The following CHST8 variants were observed in gnomAD, a reference collection of about 807,000 sequenced individuals.
CHST8 encodes the protein GALNAC-4-ST1.
Under a neutral mutation model 15.0 loss-of-function variants are expected in CHST8, and 10 were observed. That is an observed-to-expected ratio of 0.67 (90% CI 0.41 to 1.13). CHST8 has a LOEUF of 1.13. Ranked by LOEUF, CHST8 falls within the 50% of genes most tolerant of loss-of-function variation. The pLI is 0.00. For missense variants in CHST8, 634 were observed against 608.2 expected (o/e 1.04, Z -0.45); for synonymous variants, 259 against 256.6 (o/e 1.01, Z -0.09).
chr19:33,664,120 G>A (rs12459433), intron 1 of CHST8, among the ~76,000 whole-genome samples: 35,528 of 151,936 alleles, frequency 0.23, 4,400 homozygotes, highest in Admixed American at 0.36. Flanking sequence ...GACTGGATTG[G>A]GGCGACTTTC....
intron 1 of CHST8, among the ~76,000 whole-genome samples, chr19:33,631,106 G>T (rs972894275): frequency 1.2e-4 from 18 of 152,196 alleles, no homozygotes; most frequent in African/African-American, 4.1e-4. Flanking sequence ...GCAAAAAGCC[G>T]GCGCTGTCTA....
intron 2 of CHST8, among the ~76,000 whole-genome samples, chr19:33,688,444 A>T (rs1156378162): frequency 6.6e-6 from 1 of 152,136 alleles, no homozygotes; most frequent in African/African-American, 2.4e-5. Context: ...CTGAGCTTGG[A>T]GTCTGTTGGA....
At chr19:33,749,916 T>G (rs1974382279) in intron 3 of CHST8, among the ~76,000 whole-genome samples, 1 of 152,196 alleles carries the variant, frequency 6.6e-6, no homozygotes, top group Admixed American at 6.5e-5. Context: ...CAGCAGCCAT[T>G]GGCAGGTGCG....
intron 3 of CHST8, among the ~76,000 whole-genome samples, chr19:33,744,831 C>T (rs1054470453): frequency 6.6e-5 from 10 of 152,194 alleles, no homozygotes; most frequent in African/African-American, 2.4e-4. Context: ...CCACTGCAAC[C>T]TCCACCTCCC....
rs559065580 is a variant in CHST8, at chr19:33,644,563, C to T, written c.-164+22267C>T. 5.3e-4 allele frequency among the ~76,000 whole-genome samples: 81 copies of T among 151,876 alleles called. 1 individual carries two copies. Among genetic ancestry groups the T allele is most frequent in the African/African-American group, 1.9e-3 (77 of 41,402 alleles). The stretch of plus-strand genomic sequence containing the variant: ...AAGCCTGGGCAACATAGCAAGACTC[C>T]GTCTCTAAAAAAAAAAATTTTTTTT... On this transcript the variant is annotated intron_variant, in intron 1 of 4. Transcript: ENST00000650847.
chr19:33,715,658 C>A (rs1415858314), intron 3 of CHST8, among the ~76,000 whole-genome samples: 2 of 152,238 alleles, frequency 1.3e-5, no homozygotes, highest in Non-Finnish European at 2.9e-5. Context: ...AGAGCTCAGG[C>A]TGACCTTCAC....
At chr19:33,691,199 G>A (rs1391853855) in intron 3 of CHST8, among the ~76,000 whole-genome samples, 1 of 152,222 alleles carries the variant, frequency 6.6e-6, no homozygotes, top group African/African-American at 2.4e-5. Flanking sequence ...AGGTGGGCTG[G>A]GGACCCAGGG....
At chr19:33,698,361 C>T (rs1485898325) in intron 3 of CHST8, among the ~76,000 whole-genome samples, 4 of 146,790 alleles carry the variant, frequency 2.7e-5, no homozygotes, top group Non-Finnish European at 6.0e-5. Flanking sequence ...TCAGCCTGGG[C>T]GACAAAGCGA....
chr19:33,622,876 A>C (rs1972003473), intron 1 of CHST8, among the ~76,000 whole-genome samples: 1 of 151,790 alleles, frequency 6.6e-6, no homozygotes, highest in South Asian at 2.1e-4. Context: ...TGCGTCAGCG[A>C]TGGTGTGAAG....
At chr19:33,662,418 T>A (rs1177017988) in intron 1 of CHST8, among the ~76,000 whole-genome samples, 1 of 152,178 alleles carries the variant, frequency 6.6e-6, no homozygotes, top group Non-Finnish European at 1.5e-5. Flanking sequence ...CCCAGCTACA[T>A]CCTTGCCTGG....
At chr19:33,766,409 C>A in intron 3 of CHST8, among the ~76,000 whole-genome samples, 1 of 152,358 alleles carries the variant, frequency 6.6e-6, no homozygotes, top group East Asian at 1.9e-4. Context: ...ACCTTCTCTC[C>A]TGCCAGCACC....
chr19:33,636,519 G>A (rs7248443), intron 1 of CHST8, among the ~76,000 whole-genome samples: 14,735 of 152,114 alleles, frequency 0.097, 1,289 homozygotes, highest in African/African-American at 0.24. Context: ...CAGGAAAGGG[G>A]TCCCGATCCA....
intron 1 of CHST8, among the ~76,000 whole-genome samples, chr19:33,636,304 A>G (rs1473066937): frequency 6.6e-6 from 1 of 152,182 alleles, no homozygotes; most frequent in Non-Finnish European, 1.5e-5. Flanking sequence ...CATGCTTGAC[A>G]AGTATTCTGC....
At chr19:33,739,504 T>A (rs1230106295) in intron 3 of CHST8, among the ~76,000 whole-genome samples, 4 of 152,250 alleles carry the variant, frequency 2.6e-5, no homozygotes, top group Admixed American at 6.5e-5. Flanking sequence ...TTTAGCCTGT[T>A]GTGTGCTCAG....
intron 2 of CHST8, among the ~76,000 whole-genome samples, chr19:33,670,482 A>G (rs768012775): frequency 6.1e-4 from 93 of 152,274 alleles, no homozygotes; most frequent in African/African-American, 1.5e-3. Flanking sequence ...TAAAATACCA[A>G]CCCCATCACC....
intron 3 of CHST8, among the ~76,000 whole-genome samples, chr19:33,742,575 C>A (rs1222791442): frequency 1.3e-5 from 2 of 152,184 alleles, no homozygotes; most frequent in Admixed American, 6.5e-5. Context: ...AACACCCCAC[C>A]AGACTCCACC....
intron 3 of CHST8, among the ~76,000 whole-genome samples, chr19:33,760,510 G>A (rs1190470886): frequency 6.6e-6 from 1 of 151,246 alleles, no homozygotes; most frequent in Admixed American, 6.6e-5. Context: ...TTTAGAGATG[G>A]GGTCTCACTA....
chr19:33,710,420 T>C (rs1050433640), intron 3 of CHST8, among the ~76,000 whole-genome samples: 1 of 152,242 alleles, frequency 6.6e-6, no homozygotes, highest in Non-Finnish European at 1.5e-5. Flanking sequence ...CTCTCTTTTG[T>C]TTGCTTCAGA....
intron 3 of CHST8, among the ~76,000 whole-genome samples, chr19:33,765,555 CAGAGAG>C (rs3073708): frequency 0.011 from 1,438 of 125,704 alleles, 25 homozygotes; most frequent in Admixed American, 0.045. Context: ...GTGTGTGTGT[CAGAGAG>C]AGAGAGAGAG....
Sources: gnomAD v4.1 joint callset for allele counts (sites outside exome capture counted in the v4.1 genomes callset) on GRCh38, gnomAD v4.1.1 for gene constraint, MANE v1.5 for transcripts, NCBI Gene and HGNC (gene_info 2026-07-23, HGNC 2026-07-21) for gene names.